The following OXR1 variants were observed in gnomAD, a reference collection of about 807,000 sequenced individuals.
OXR1 encodes the protein oxidation resistance 1.
OXR1 carries 41 observed loss-of-function variants against 104.6 expected under a neutral mutation model. The ratio of observed to expected loss-of-function variants is 0.39; its 90% CI spans 0.31 to 0.51. The LOEUF (loss-of-function observed/expected upper bound fraction) is 0.51. Ranked by LOEUF, OXR1 falls within the 20% of genes least tolerant of loss-of-function variation. OXR1 has a pLI of 0.77. For synonymous variants in OXR1, 348 were observed against 348.4 expected (o/e 1.00, Z 0.01); for missense variants, 955 against 1,031.9 (o/e 0.93, Z 1.02).
intron 2 of OXR1, among the ~76,000 whole-genome samples, chr8:106,438,047 A>G (rs1052102114): frequency 6.6e-6 from 1 of 152,204 alleles, no homozygotes; most frequent in African/African-American, 2.4e-5. Context: ...TGCCATGTGA[A>G]CAGGACAAAC....
intron 2 of OXR1, among the ~76,000 whole-genome samples, chr8:106,427,983 T>C (rs781542641): frequency 3.9e-5 from 6 of 152,236 alleles, no homozygotes; most frequent in Non-Finnish European, 8.8e-5. Flanking sequence ...AAATATTCTA[T>C]ACTTGTGCTG....
At chr8:106,473,186 G>GT (rs930522527) in intron 2 of OXR1, among the ~76,000 whole-genome samples, 1 of 151,772 alleles carries the variant, frequency 6.6e-6, no homozygotes, top group African/African-American at 2.4e-5. Context: ...CCACTCAAGT[G>GT]TTTTTTTCAG....
At chr8:106,584,735 C>G (rs1276269656) in intron 3 of OXR1, among the ~76,000 whole-genome samples, 1 of 151,892 alleles carries the variant, frequency 6.6e-6, no homozygotes, top group Admixed American at 6.6e-5. Context: ...CTCAAGTGCT[C>G]CAGCAATATG....
At chr8:106,563,296 C>CAAAAAAAAAA (rs145929849) in intron 3 of OXR1, among the ~76,000 whole-genome samples, 125 of 125,530 alleles carry the variant, frequency 1.0e-3, no homozygotes, top group East Asian at 2.5e-3. Flanking sequence ...AAATGGAAAG[C>CAAAAAAAAAA]AAAAAAAAAA....
chr8:106,321,900 G>A (rs993640666), intron 1 of OXR1, among the ~76,000 whole-genome samples: 3 of 152,102 alleles, frequency 2.0e-5, no homozygotes, highest in Admixed American at 1.3e-4. Flanking sequence ...AGATAAATTT[G>A]TCATGACATC....
chr8:106,533,637 A>G (rs1231067493), intron 3 of OXR1, among the ~76,000 whole-genome samples: 1 of 152,028 alleles, frequency 6.6e-6, no homozygotes, highest in Non-Finnish European at 1.5e-5. Context: ...AAGGCAAGGC[A>G]GCAGAGAATA....
chr8:106,486,946 G>A (rs188996533), intron 2 of OXR1, among the ~76,000 whole-genome samples: 13 of 151,188 alleles, frequency 8.6e-5, no homozygotes, highest in East Asian at 2.0e-4. Flanking sequence ...GAAGTTCAAC[G>A]AAACAACAGC....
At chr8:106,373,384 G>A (rs148792978) in intron 2 of OXR1, among the ~76,000 whole-genome samples, 1 of 152,254 alleles carries the variant, frequency 6.6e-6, no homozygotes, top group African/African-American at 2.4e-5. Context: ...TTTACTGGTT[G>A]TTTAATGTGC....
At chr8:106,322,350 C>T (rs1814260682) in intron 1 of OXR1, among the ~76,000 whole-genome samples, 1 of 152,270 alleles carries the variant, frequency 6.6e-6, no homozygotes, top group East Asian at 1.9e-4. Flanking sequence ...TTCAACACCC[C>T]TTCATGTTAA....
intron 1 of OXR1, among the ~76,000 whole-genome samples, chr8:106,330,152 A>C (rs1814650687): frequency 6.6e-6 from 1 of 152,172 alleles, no homozygotes; most frequent in Non-Finnish European, 1.5e-5. Context: ...GAACAGTATA[A>C]AGTTAGTAAT....
chr8:106,476,493 C>A (rs575448807), intron 2 of OXR1, among the ~76,000 whole-genome samples: 1 of 152,052 alleles, frequency 6.6e-6, no homozygotes, highest in African/African-American at 2.4e-5. Context: ...ATAAACCTGA[C>A]TGCATTTCCA....
At chr8:106,331,083 T>C (rs1473691938) in intron 1 of OXR1, among the ~76,000 whole-genome samples, 3 of 152,214 alleles carry the variant, frequency 2.0e-5, no homozygotes, top group Non-Finnish European at 4.4e-5. Flanking sequence ...TTGCCCAGAA[T>C]TGCTTCAATA....
At chr8:106,578,983 CTTTCTT>C (rs937919496) in intron 3 of OXR1, among the ~76,000 whole-genome samples, 1 of 131,002 alleles carries the variant, frequency 7.6e-6, no homozygotes, top group African/African-American at 3.0e-5. Flanking sequence ...CTCACTTTTT[CTTTCTT>C]TTTTTTTTTT....
At chr8:106,498,330 A>G (rs1323780564) in intron 2 of OXR1, among the ~76,000 whole-genome samples, 1 of 152,202 alleles carries the variant, frequency 6.6e-6, no homozygotes, top group East Asian at 1.9e-4. Flanking sequence ...CATAAATCCC[A>G]AAACCATTTT....
chr8:106,386,928 C>T (rs953629477), intron 2 of OXR1, among the ~76,000 whole-genome samples: 1 of 152,012 alleles, frequency 6.6e-6, no homozygotes, highest in Non-Finnish European at 1.5e-5. Context: ...AATATGAAAT[C>T]AGTAAGTTAG....
At chr8:106,278,140 G>C (rs185095526) in intron 1 of OXR1, among the ~76,000 whole-genome samples, 3 of 152,300 alleles carry the variant, frequency 2.0e-5, no homozygotes, top group Admixed American at 1.3e-4. Flanking sequence ...GAATTTTCAA[G>C]ATTAATGACA....
At chr8:106,348,628 A>G (rs1386855410) in intron 1 of OXR1, among the ~76,000 whole-genome samples, 1 of 152,216 alleles carries the variant, frequency 6.6e-6, no homozygotes. Context: ...ATTGATAAAT[A>G]TATCAAAACA....
chr8:106,475,189 A>G (rs1821732235), intron 2 of OXR1, among the ~76,000 whole-genome samples: 1 of 151,906 alleles, frequency 6.6e-6, no homozygotes, highest in South Asian at 2.1e-4. Context: ...AACTTAACTA[A>G]TAGCCTACTG....
chr8:106,546,298 C>T (rs1326238286), intron 3 of OXR1, among the ~76,000 whole-genome samples: 7 of 152,188 alleles, frequency 4.6e-5, no homozygotes, highest in Non-Finnish European at 1.0e-4. Flanking sequence ...GCTGTTGTCC[C>T]TGCTAAACTG....
Sources: gnomAD v4.1 joint callset for allele counts (sites outside exome capture counted in the v4.1 genomes callset) on GRCh38, gnomAD v4.1.1 for gene constraint, MANE v1.5 for transcripts, NCBI Gene and HGNC (gene_info 2026-07-23, HGNC 2026-07-21) for gene names.